The following ABCA12 variants were observed in gnomAD, a reference collection of about 807,000 sequenced individuals.
ABCA12 encodes ATP binding cassette subfamily A member 12, also known as glucosylceramide transporter ABCA12.
A neutral mutation model predicts 293.5 loss-of-function variants in ABCA12; 156 were observed. The ratio of observed to expected loss-of-function variants is 0.53; its 90% CI spans 0.47 to 0.61. ABCA12 has a LOEUF of 0.61. ABCA12 is among the 20% of genes least tolerant of loss of function. The pLI is 0.00. For synonymous variants in ABCA12, 1,063 were observed against 1,108.0 expected (o/e 0.96, Z 0.81); for missense variants, 2,797 against 3,090.2 (o/e 0.91, Z 2.25).
chr2:215,039,300 G>C (rs954973683), intron 7 of ABCA12, among the ~76,000 whole-genome samples: 2 of 152,122 alleles, frequency 1.3e-5, no homozygotes, highest in African/African-American at 2.4e-5. Flanking sequence ...GTTCAACAAA[G>C]ATTAAGATAA....
intron 44 of ABCA12, among the ~76,000 whole-genome samples, chr2:214,952,834 T>C (rs1698821875): frequency 6.6e-6 from 1 of 152,260 alleles, no homozygotes; most frequent in South Asian, 2.1e-4. Flanking sequence ...TATTCTGTTC[T>C]GATTAAATTG....
At chr2:215,001,510 C>T (rs1700144993) in intron 21 of ABCA12, 48 bp downstream of exon 21, 1 of 1,612,120 alleles carries the variant, frequency 6.2e-7, no homozygotes, top group Non-Finnish European at 8.5e-7. Flanking sequence ...AGAATTTGGC[C>T]AATTTTAGCA....
At chr2:215,048,974 G>A (rs1701262580) in intron 6 of ABCA12, among the ~76,000 whole-genome samples, 1 of 152,122 alleles carries the variant, frequency 6.6e-6, no homozygotes, top group African/African-American at 2.4e-5. Context: ...GACACAAAGA[G>A]GGAAACAACC....
chr2:215,049,787 C>T lies in ABCA12; in HGVS notation c.532G>A (p.Glu178Lys), dbSNP rs1008693501. ...EKLLKQNSTS[E>K]DIRRELCDSY... ...TCACATAGTTCTCTTCGTATATCTT[C>T]TGAAGTTGAATTTTGCTTTAACAGC... is the stretch of plus-strand genomic sequence containing the variant. The change falls in exon 6 of 53, where the codon GAA becomes AAA. Residue 178 changes from glutamate to lysine, a missense_variant. Physicochemically the swap from Glu to Lys is moderately conservative, Grantham distance 56. Coordinates refer to ENST00000272895, the MANE Select transcript of ABCA12 (RefSeq NM_173076.3). The T allele has an allele frequency of 2.5e-6, 4 of 1,613,186 alleles. No individual in the cohort carries two copies. Among genetic ancestry groups the T allele is most frequent in the Non-Finnish European group, 2.5e-6 (3 of 1,179,634 alleles).
intron 23 of ABCA12, among the ~76,000 whole-genome samples, chr2:214,996,161 A>T (rs777220230): frequency 8.5e-5 from 13 of 152,180 alleles, no homozygotes; most frequent in Non-Finnish European, 1.8e-4. Context: ...AGCTAAAAAC[A>T]AGTCTTTTGC....
chr2:215,033,558 A>G (rs557073766), intron 8 of ABCA12, among the ~76,000 whole-genome samples: 1 of 152,210 alleles, frequency 6.6e-6, no homozygotes, highest in Admixed American at 6.5e-5. Flanking sequence ...ATACTATACT[A>G]AACAGTCCTT....
At chr2:215,039,526 C>T (rs898440533) in intron 7 of ABCA12, among the ~76,000 whole-genome samples, 1 of 152,012 alleles carries the variant, frequency 6.6e-6, no homozygotes, top group Non-Finnish European at 1.5e-5. Context: ...GAGGCCAAGG[C>T]GGATGGATCA....
At position 215,011,627 on chromosome 2, in the gene ABCA12, A is replaced by C; in HGVS notation, c.2144T>G (p.Met715Arg). Residue 715 changes from methionine to arginine, a missense_variant, in exon 17 of 53, where the codon ATG (methionine) becomes AGG (arginine). By Grantham distance (91) the Met-to-Arg change is moderately conservative. Coordinates refer to ENST00000272895, the MANE Select transcript of ABCA12 (RefSeq NM_173076.3). ...LTQAMYRSNR[M>R]NTPQGSFSTI... Reference sequence around the variant, plus strand: ...GCTAAATGATCCTTGTGGTGTGTTCATTCGGTTGCTTCTGTACATTGCCTG... The same window carrying C: ...GCTAAATGATCCTTGTGGTGTGTTCCTTCGGTTGCTTCTGTACATTGCCTG... 1 of 1,614,066 alleles carries C rather than the reference A, an allele frequency of 6.2e-7. No individual in the cohort carries two copies. The highest frequency in any genetic ancestry group is 8.5e-7 in the Non-Finnish European group (1 of 1,179,938).
chr2:215,136,101 C>G (rs1703221273), intron 1 of ABCA12, among the ~76,000 whole-genome samples: 1 of 152,124 alleles, frequency 6.6e-6, no homozygotes, highest in South Asian at 2.1e-4. Context: ...CTTATCTGTT[C>G]TGGTTTCCAT....
chr2:215,052,169 A>C (rs1314127174), intron 5 of ABCA12, among the ~76,000 whole-genome samples: 1 of 152,124 alleles, frequency 6.6e-6, no homozygotes, highest in African/African-American at 2.4e-5. Flanking sequence ...TTATAACTTC[A>C]TTTGGTCTTT....
chr2:215,049,063 A>T (rs1243417009), intron 6 of ABCA12, among the ~76,000 whole-genome samples: 1 of 152,186 alleles, frequency 6.6e-6, no homozygotes, highest in Non-Finnish European at 1.5e-5. Context: ...TACTAGGCTT[A>T]GTACCTCGGT....
chr2:214,985,251 T>G (rs1382412889), intron 28 of ABCA12, among the ~76,000 whole-genome samples: 1 of 152,178 alleles, frequency 6.6e-6, no homozygotes, highest in Non-Finnish European at 1.5e-5. Context: ...TATTGCCTAT[T>G]AGAAACATGA....
intron 23 of ABCA12, among the ~76,000 whole-genome samples, chr2:214,997,285 T>C (rs1199214437): frequency 6.6e-6 from 1 of 152,212 alleles, no homozygotes; most frequent in African/African-American, 2.4e-5. Context: ...TATGTCTATG[T>C]CTATGTTTAT....
At position 215,103,640 on chromosome 2, in the gene ABCA12, AG is replaced by A. The variant is rs1702404813; in HGVS notation, c.163+7956del. Reference sequence around the variant, plus strand: ...ACAAATAATGACAAGATACTAGATTAGCTTCATGATACTCAAGGATAGATGC... The same window carrying A: ...ACAAATAATGACAAGATACTAGATTACTTCATGATACTCAAGGATAGATGC... On this transcript the variant is annotated intron_variant, in intron 2 of 52. Transcript: ENST00000272895. 3.3e-5 allele frequency among the ~76,000 whole-genome samples: 5 copies of A among 152,306 alleles called. No individual in the cohort carries two copies. The South Asian group carries it at 1.0e-3, about 32-fold the overall frequency.
chr2:215,043,347 A>G (rs1055164568), intron 7 of ABCA12, among the ~76,000 whole-genome samples: 2 of 152,150 alleles, frequency 1.3e-5, no homozygotes, highest in Non-Finnish European at 1.5e-5. Context: ...TCTTTTACAT[A>G]TATAATCATT....
At chr2:215,009,204 C>T (rs1364692316) in intron 18 of ABCA12, among the ~76,000 whole-genome samples, 1 of 152,064 alleles carries the variant, frequency 6.6e-6, no homozygotes, top group African/African-American at 2.4e-5. Flanking sequence ...GGCCATTATC[C>T]TTAGCAAACC....
At position 214,950,876 on chromosome 2, in the gene ABCA12, T is replaced by C. The variant is rs1324404080; in HGVS notation, c.6852+3A>G. On this transcript the variant is annotated splice_donor_region_variant and intron_variant, in intron 45 of 52. Coordinates refer to ENST00000272895, the MANE Select transcript of ABCA12 (RefSeq NM_173076.3). ...CAGTTAGAAACAAAACACAGTTTCT[T>C]ACCTCTCCAGCAGGTATCCCAATGC... The C allele has an allele frequency of 1.2e-6, 2 of 1,613,502 alleles. No individual in the cohort carries two copies. The highest frequency in any genetic ancestry group is 1.3e-5 in the African/African-American group (1 of 74,910).
At chr2:215,027,322 G>A (rs1291850061) in intron 9 of ABCA12, among the ~76,000 whole-genome samples, 2 of 151,960 alleles carry the variant, frequency 1.3e-5, no homozygotes, top group Non-Finnish European at 1.5e-5. Flanking sequence ...CTCCAGCCTG[G>A]GCGACAGAGC....
intron 1 of ABCA12, among the ~76,000 whole-genome samples, chr2:215,117,936 G>A (rs1047650879): frequency 6.6e-6 from 1 of 152,186 alleles, no homozygotes; most frequent in Non-Finnish European, 1.5e-5. Flanking sequence ...GATGAAATGT[G>A]AATGCCTTTA....
Sources: gnomAD v4.1 joint callset for allele counts (sites outside exome capture counted in the v4.1 genomes callset) on GRCh38, gnomAD v4.1.1 for gene constraint, MANE v1.5 for transcripts, NCBI Gene and HGNC (gene_info 2026-07-23, HGNC 2026-07-21) for gene names.